The following ASIC2 variants were observed in gnomAD, a reference collection of about 807,000 sequenced individuals.
ASIC2 encodes the protein acid-sensing ion channel 2.
Under a neutral mutation model 57.3 loss-of-function variants are expected in ASIC2, and 25 were observed. The ratio of observed to expected loss-of-function variants is 0.44; its 90% CI spans 0.32 to 0.61. The LOEUF (loss-of-function observed/expected upper bound fraction) is 0.61, where lower values mean the gene tolerates loss of function less well. ASIC2 is among the 20% of genes least tolerant of loss of function. ASIC2 has a pLI of 0.06. For missense variants in ASIC2, 641 were observed against 738.1 expected, an observed-to-expected ratio of 0.87 and a Z score of 1.52; for synonymous variants, 319 against 307.5, an observed-to-expected ratio of 1.04 and a Z score of -0.39.
chr17:33,563,109 G>A (rs544367828), intron 1 of ASIC2, among the ~76,000 whole-genome samples: 12 of 152,100 alleles, frequency 7.9e-5, no homozygotes, highest in Non-Finnish European at 1.6e-4. Context: ...GTCAAACTGG[G>A]GAAGCTTCCC....
intron 1 of ASIC2, among the ~76,000 whole-genome samples, chr17:33,526,111 T>C (rs557837329): frequency 4.4e-4 from 67 of 152,330 alleles, no homozygotes; most frequent in African/African-American, 1.5e-3. Context: ...AGCCCTAAGA[T>C]GACAGGAACC....
intron 1 of ASIC2, among the ~76,000 whole-genome samples, chr17:34,065,366 G>A (rs1432790949): frequency 6.6e-6 from 1 of 152,110 alleles, no homozygotes; most frequent in African/African-American, 2.4e-5. Flanking sequence ...GGGAAGAGTG[G>A]AAGGGGAGCT....
chr17:34,155,904 A>G, intron 1 of ASIC2: 1 of 1,509,940 alleles, frequency 6.6e-7, no homozygotes. Context: ...GGAAACCCCA[A>G]ACCAAGCAGG....
At chr17:33,604,928 C>T (rs1260407405) in intron 1 of ASIC2, among the ~76,000 whole-genome samples, 1 of 152,130 alleles carries the variant, frequency 6.6e-6, no homozygotes, top group Non-Finnish European at 1.5e-5. Context: ...TAGAATCAGA[C>T]CCCAGCCTAG....
At chr17:33,285,820 G>A (rs1034736353) in intron 1 of ASIC2, among the ~76,000 whole-genome samples, 2 of 152,170 alleles carry the variant, frequency 1.3e-5, no homozygotes, top group African/African-American at 4.8e-5. Flanking sequence ...CAGTCTTCCA[G>A]GGTTATTGCA....
intron 1 of ASIC2, among the ~76,000 whole-genome samples, chr17:33,958,625 C>T (rs1441034637): frequency 1.3e-5 from 2 of 152,120 alleles, no homozygotes; most frequent in African/African-American, 4.8e-5. Context: ...CCAGAGGCTG[C>T]ACACTGAAGG....
At chr17:33,558,495 A>T (rs1333997808) in intron 1 of ASIC2, among the ~76,000 whole-genome samples, 2 of 152,192 alleles carry the variant, frequency 1.3e-5, no homozygotes, top group Non-Finnish European at 2.9e-5. Flanking sequence ...ACTTCATAGT[A>T]CTAAAATTTC....
intron 2 of ASIC2, among the ~76,000 whole-genome samples, chr17:33,104,936 T>C (rs2092229420): frequency 1.3e-5 from 2 of 152,122 alleles, no homozygotes; most frequent in Non-Finnish European, 2.9e-5. Context: ...TAGCAAGTGA[T>C]TGGGAAGGTT....
At chr17:33,464,440 T>A (rs1312864022) in intron 1 of ASIC2, among the ~76,000 whole-genome samples, 2 of 151,238 alleles carry the variant, frequency 1.3e-5, no homozygotes, top group Non-Finnish European at 2.9e-5. Context: ...TACATCATTC[T>A]ACACATGCCT....
chr17:33,285,196 C>A (rs1417258313), intron 1 of ASIC2, among the ~76,000 whole-genome samples: 1 of 152,168 alleles, frequency 6.6e-6, no homozygotes, highest in African/African-American at 2.4e-5. Flanking sequence ...CCAAAGTGGC[C>A]CCAAAATAGC....
chr17:34,085,773 G>A (rs921176042), intron 1 of ASIC2, among the ~76,000 whole-genome samples: 7 of 152,258 alleles, frequency 4.6e-5, no homozygotes, highest in African/African-American at 1.4e-4. Context: ...TTGGGAGAGT[G>A]TACGTGTCGA....
chr17:33,544,234 A>G (rs899303759), intron 1 of ASIC2, among the ~76,000 whole-genome samples: 2 of 152,182 alleles, frequency 1.3e-5, no homozygotes, highest in African/African-American at 4.8e-5. Context: ...TTCAGTGCTG[A>G]GTAGTAGACC....
At chr17:33,528,603 G>A (rs1299840614) in intron 1 of ASIC2, among the ~76,000 whole-genome samples, 1 of 152,166 alleles carries the variant, frequency 6.6e-6, no homozygotes, top group Non-Finnish European at 1.5e-5. Flanking sequence ...TAATGCTTGG[G>A]TAAAGGTGGC....
At chr17:33,607,885 T>C (rs1335447358) in intron 1 of ASIC2, among the ~76,000 whole-genome samples, 2 of 152,132 alleles carry the variant, frequency 1.3e-5, no homozygotes, top group Non-Finnish European at 2.9e-5. Flanking sequence ...TAGGAACTTC[T>C]GGAGGGACTG....
intron 1 of ASIC2, among the ~76,000 whole-genome samples, chr17:33,654,656 TA>T (rs752795286): frequency 1.3e-5 from 2 of 152,244 alleles, no homozygotes; most frequent in Non-Finnish European, 2.9e-5. Context: ...TTGGCACAAT[TA>T]GCTGGCTTTG....
chr17:33,485,712 G>T (rs1913554677), intron 1 of ASIC2, among the ~76,000 whole-genome samples: 1 of 152,168 alleles, frequency 6.6e-6, no homozygotes, highest in African/African-American at 2.4e-5. Context: ...CAAGGAACTT[G>T]CTTCAATCTG....
At chr17:33,703,033 A>T (rs6505373) in intron 1 of ASIC2, among the ~76,000 whole-genome samples, 55,282 of 152,052 alleles carry the variant, frequency 0.36, 11,830 homozygotes, top group African/African-American at 0.6. Context: ...TGGAAAGGCC[A>T]CTGGGATGGT....
At chr17:33,576,301 T>C (rs1416279044) in intron 1 of ASIC2, among the ~76,000 whole-genome samples, 1 of 152,140 alleles carries the variant, frequency 6.6e-6, no homozygotes, top group African/African-American at 2.4e-5. Context: ...TCAAATCCTG[T>C]TTCTAGCCAT....
intron 1 of ASIC2, among the ~76,000 whole-genome samples, chr17:33,147,526 T>C (rs1904609686): frequency 6.6e-6 from 1 of 152,134 alleles, no homozygotes; most frequent in Non-Finnish European, 1.5e-5. Context: ...TTGTTCTCTC[T>C]AACAAGTTTC....
Sources: allele counts gnomAD v4.1 joint callset (sites outside exome capture counted in the v4.1 genomes callset), GRCh38; gene constraint gnomAD v4.1.1; transcripts MANE v1.5; gene names NCBI Gene and HGNC (gene_info 2026-07-23, HGNC 2026-07-21).